Variants in LRP1B observed in about 807,000 individuals in gnomAD.
LRP1B encodes LDL receptor related protein 1B.
LRP1B carries 217 observed loss-of-function variants against 556.6 expected under a neutral mutation model. The observed-to-expected ratio is 0.39, with a 90% CI of 0.35 to 0.44. LRP1B has a LOEUF of 0.44. LRP1B is among the 20% of genes least tolerant of loss of function. The pLI, the probability that LRP1B is intolerant of heterozygous loss-of-function variation, is 1.00. For synonymous variants in LRP1B, 2,047 were observed against 1,865.8 expected (o/e 1.10, Z -2.50); for missense variants, 5,053 against 5,620.8 (o/e 0.90, Z 3.23).
At chr2:142,117,423 C>T (rs562968244) in intron 1 of LRP1B, among the ~76,000 whole-genome samples, 2 of 152,212 alleles carry the variant, frequency 1.3e-5, no homozygotes, top group African/African-American at 4.8e-5. Context: ...TTATGCTCGG[C>T]TCTCTAGGGC....
chr2:141,985,067 A>G (rs1702147634), intron 1 of LRP1B, among the ~76,000 whole-genome samples: 1 of 152,156 alleles, frequency 6.6e-6, no homozygotes, highest in African/African-American at 2.4e-5. Flanking sequence ...TTAACAAAGA[A>G]CCAGAATGAA....
intron 43 of LRP1B, among the ~76,000 whole-genome samples, chr2:140,563,936 A>G (rs920874589): frequency 2.6e-5 from 4 of 152,142 alleles, no homozygotes; most frequent in African/African-American, 9.6e-5. Flanking sequence ...CATAATTCTG[A>G]TGCTTCTTCA....
At chr2:141,979,946 A>G (rs1308656479) in intron 1 of LRP1B, among the ~76,000 whole-genome samples, 1 of 152,160 alleles carries the variant, frequency 6.6e-6, no homozygotes, top group Non-Finnish European at 1.5e-5. Flanking sequence ...TTACTCTGTC[A>G]TGTCTGTTCT....
intron 3 of LRP1B, among the ~76,000 whole-genome samples, chr2:141,358,654 T>C (rs1214830261): frequency 6.6e-6 from 1 of 152,226 alleles, no homozygotes. Flanking sequence ...TACGAAATTG[T>C]TTTCATTACT....
intron 7 of LRP1B, among the ~76,000 whole-genome samples, chr2:141,111,313 G>A (rs1700744075): frequency 6.6e-6 from 1 of 151,690 alleles, no homozygotes; most frequent in Admixed American, 6.6e-5. Flanking sequence ...CCAAGACAGA[G>A]GAAAGCTGAA....
intron 72 of LRP1B, among the ~76,000 whole-genome samples, chr2:140,361,450 G>A (rs1435413834): frequency 6.9e-6 from 1 of 143,978 alleles, no homozygotes. Flanking sequence ...AGATCTACCT[G>A]TATCTACATG....
At chr2:141,478,506 T>C (rs1431083222) in intron 3 of LRP1B, among the ~76,000 whole-genome samples, 2 of 142,864 alleles carry the variant, frequency 1.4e-5, no homozygotes, top group African/African-American at 5.1e-5. Context: ...CTTTCCTTCT[T>C]TCCCTCCCTC....
chr2:141,416,950 G>C (rs62167981), intron 3 of LRP1B, among the ~76,000 whole-genome samples: 17,226 of 152,084 alleles, frequency 0.11, 1,215 homozygotes, highest in Non-Finnish European at 0.14. Flanking sequence ...GAACAAGTTG[G>C]AAAACCACTA....
intron 66 of LRP1B, among the ~76,000 whole-genome samples, chr2:140,435,337 A>G (rs1573936039): frequency 6.6e-6 from 1 of 152,214 alleles, no homozygotes; most frequent in Non-Finnish European, 1.5e-5. Flanking sequence ...TAGAGAACTG[A>G]ATATACTTGG....
chr2:140,301,147 A>G (rs1047488188), intron 83 of LRP1B, among the ~76,000 whole-genome samples: 15 of 152,102 alleles, frequency 9.9e-5, no homozygotes, highest in African/African-American at 3.4e-4. Context: ...TTGAAGAATG[A>G]GTCTTTCTTC....
At chr2:141,121,903 G>C (rs1158746086) in intron 7 of LRP1B, among the ~76,000 whole-genome samples, 1 of 152,046 alleles carries the variant, frequency 6.6e-6, no homozygotes, top group Non-Finnish European at 1.5e-5. Flanking sequence ...CTAAAACAGA[G>C]ATATAGGCCA....
chr2:141,669,814 G>A (rs1439343410), intron 2 of LRP1B, among the ~76,000 whole-genome samples: 1 of 152,108 alleles, frequency 6.6e-6, no homozygotes, highest in Non-Finnish European at 1.5e-5. Context: ...GAGTGCAATG[G>A]TGCGATCTTG....
chr2:140,399,400 A>G (rs1684397302), intron 66 of LRP1B, among the ~76,000 whole-genome samples: 1 of 152,114 alleles, frequency 6.6e-6, no homozygotes, highest in Non-Finnish European at 1.5e-5. Flanking sequence ...AAAATGTGTA[A>G]AGCATTTAAT....
intron 41 of LRP1B, among the ~76,000 whole-genome samples, chr2:140,607,719 A>G (rs1574137243): frequency 1.3e-5 from 2 of 151,976 alleles, no homozygotes; most frequent in Non-Finnish European, 2.9e-5. Context: ...ATTATAGAAA[A>G]TTATTTTAAA....
chr2:140,738,038 T>C (rs1688006496), intron 35 of LRP1B, among the ~76,000 whole-genome samples: 1 of 152,122 alleles, frequency 6.6e-6, no homozygotes, highest in South Asian at 2.1e-4. Context: ...TGTGCTTCCT[T>C]TCACTGAAAC....
chr2:141,547,832 A>G lies in LRP1B; in HGVS notation c.206-67299T>C, dbSNP rs111528911. Among the ~76,000 whole-genome samples the G allele has an allele frequency of 8.9e-3, 1,355 of 152,068 alleles. 15 individuals are homozygous for G. Among genetic ancestry groups the G allele is most frequent in the African/African-American group, 0.031 (1,295 of 41,342 alleles). ...AATTTATTATAGTAAGTGTGGATAC[A>G]AAGATAAAAGGTGGGCCTTATTGTC... On this transcript the variant is annotated intron_variant, in intron 2 of 90. Transcript: ENST00000389484.
intron 21 of LRP1B, among the ~76,000 whole-genome samples, chr2:140,914,347 A>G (rs1174577958): frequency 6.6e-6 from 1 of 152,178 alleles, no homozygotes; most frequent in Non-Finnish European, 1.5e-5. Context: ...TAGGACTTGG[A>G]AAATGATTTC....
At chr2:141,316,128 C>A (rs1028899134) in intron 3 of LRP1B, among the ~76,000 whole-genome samples, 1 of 151,842 alleles carries the variant, frequency 6.6e-6, no homozygotes, top group Non-Finnish European at 1.5e-5. Context: ...TCTGCTTGAA[C>A]CCCGTGGAAA....
intron 3 of LRP1B, among the ~76,000 whole-genome samples, chr2:141,383,087 G>T (rs1273081309): frequency 6.6e-6 from 1 of 152,100 alleles, no homozygotes; most frequent in Non-Finnish European, 1.5e-5. Flanking sequence ...TTCCAAAGAA[G>T]ACATACAAAT....
Sources: allele counts gnomAD v4.1 joint callset (sites outside exome capture counted in the v4.1 genomes callset), GRCh38; gene constraint gnomAD v4.1.1; transcripts MANE v1.5; gene names NCBI Gene and HGNC (gene_info 2026-07-23, HGNC 2026-07-21).